CNTNAP2: variants seen among roughly 807,000 people sequenced by gnomAD.
CNTNAP2 encodes the protein contactin associated protein 2, also known as contactin-associated protein-like 2.
A neutral mutation model predicts 155.2 loss-of-function variants in CNTNAP2; 98 were observed. That is an observed-to-expected ratio of 0.63 (90% CI 0.54 to 0.75). CNTNAP2 has a LOEUF of 0.75. CNTNAP2 is among the 30% of genes least tolerant of loss of function. The probability of loss-of-function intolerance (pLI) is 0.00; values close to 1 mark genes in which losing one functional copy is unlikely to be tolerated. For missense variants in CNTNAP2, 1,727 were observed against 1,688.1 expected (o/e 1.02, Z -0.40); for synonymous variants, 651 against 631.2 (o/e 1.03, Z -0.47).
intron 3 of CNTNAP2, among the ~76,000 whole-genome samples, chr7:147,033,470 G>A (rs34962711): frequency 0.37 from 55,281 of 151,324 alleles, 10,269 homozygotes; most frequent in South Asian, 0.43. Context: ...TTACCCTGGT[G>A]TCTTTTTGAG....
chr7:147,799,687 C>T (rs528049083), intron 13 of CNTNAP2, among the ~76,000 whole-genome samples: 3 of 152,282 alleles, frequency 2.0e-5, no homozygotes, highest in South Asian at 2.1e-4. Flanking sequence ...CAGGCAAAGA[C>T]AAGATCCTGA....
At chr7:147,209,373 T>A (rs1387905877) in intron 8 of CNTNAP2, among the ~76,000 whole-genome samples, 1 of 151,982 alleles carries the variant, frequency 6.6e-6, no homozygotes, top group Non-Finnish European at 1.5e-5. Context: ...TGAGGCCATT[T>A]CCTTGATTTG....
At chr7:148,238,870 T>C (rs1796093619) in intron 20 of CNTNAP2, among the ~76,000 whole-genome samples, 1 of 152,232 alleles carries the variant, frequency 6.6e-6, no homozygotes, top group Non-Finnish European at 1.5e-5. Flanking sequence ...CCTTGAACTT[T>C]CTGCCAATAA....
chr7:147,772,289 C>A (rs1006846174), intron 13 of CNTNAP2, among the ~76,000 whole-genome samples: 1 of 150,510 alleles, frequency 6.6e-6, no homozygotes, highest in African/African-American at 2.4e-5. Flanking sequence ...CCTGGCATGG[C>A]GCCTGTAATC....
At chr7:148,073,809 A>G (rs1054259725) in intron 15 of CNTNAP2, among the ~76,000 whole-genome samples, 1 of 152,124 alleles carries the variant, frequency 6.6e-6, no homozygotes, top group South Asian at 2.1e-4. Context: ...CTCCATATCA[A>G]TGGGTTCTGA....
At chr7:147,404,180 C>CAGA (rs1487263397) in intron 10 of CNTNAP2, among the ~76,000 whole-genome samples, 5 of 152,168 alleles carry the variant, frequency 3.3e-5, no homozygotes, top group Non-Finnish European at 7.4e-5. Flanking sequence ...GATAAATTCA[C>CAGA]GTTATTCAAA....
intron 13 of CNTNAP2, among the ~76,000 whole-genome samples, chr7:147,818,627 CTA>C (rs1224268694): frequency 6.6e-6 from 1 of 152,168 alleles, no homozygotes; most frequent in African/African-American, 2.4e-5. Context: ...GACGTTTCCC[CTA>C]TCTCTATTTT....
intron 21 of CNTNAP2, among the ~76,000 whole-genome samples, chr7:148,372,396 C>A (rs1292752308): frequency 2.0e-5 from 3 of 151,972 alleles, no homozygotes; most frequent in African/African-American, 4.8e-5. Context: ...TTACCTTTTA[C>A]AATTTTCTTT....
intron 1 of CNTNAP2, among the ~76,000 whole-genome samples, chr7:146,138,882 G>A (rs1797835711): frequency 6.7e-6 from 1 of 148,180 alleles, no homozygotes; most frequent in South Asian, 2.1e-4. Flanking sequence ...TGAGTACTTT[G>A]GAACATAACC....
intron 1 of CNTNAP2, among the ~76,000 whole-genome samples, chr7:146,150,075 T>C (rs1798014649): frequency 6.6e-6 from 1 of 152,120 alleles, no homozygotes; most frequent in South Asian, 2.1e-4. Context: ...TACGAATCAA[T>C]TGTAAACAGA....
At chr7:147,078,640 G>A (rs1237064131) in intron 4 of CNTNAP2, among the ~76,000 whole-genome samples, 1 of 151,846 alleles carries the variant, frequency 6.6e-6, no homozygotes, top group African/African-American at 2.4e-5. Context: ...GGCCACGATG[G>A]TCTAACACAG....
At chr7:146,130,883 C>A (rs533259265) in intron 1 of CNTNAP2, among the ~76,000 whole-genome samples, 1 of 152,068 alleles carries the variant, frequency 6.6e-6, no homozygotes, top group Non-Finnish European at 1.5e-5. Flanking sequence ...AGGAAACAAC[C>A]AGATCTTGTG....
chr7:148,362,498 A>G (rs1798644104), intron 21 of CNTNAP2, among the ~76,000 whole-genome samples: 1 of 152,192 alleles, frequency 6.6e-6, no homozygotes, highest in Admixed American at 6.5e-5. Context: ...TGTGGTGGCT[A>G]TGCTGGTCTG....
intron 13 of CNTNAP2, among the ~76,000 whole-genome samples, chr7:147,701,878 T>C (rs1165151227): frequency 6.6e-6 from 1 of 152,136 alleles, no homozygotes; most frequent in Non-Finnish European, 1.5e-5. Context: ...ATGCTTTCAT[T>C]ACGGTGCGGA....
rs182891675 is a variant in CNTNAP2 at position 148,161,047 on chromosome 7, C to T, written c.2774-11195C>T. Among the ~76,000 whole-genome samples, 20 of 152,220 alleles carry T rather than the reference C, an allele frequency of 1.3e-4. No homozygotes were observed. In the East Asian group the frequency reaches 2.7e-3, roughly 21 times the overall value. On this transcript the variant is annotated intron_variant, in intron 17 of 23. Coordinates refer to ENST00000361727, the MANE Select transcript of CNTNAP2 (RefSeq NM_014141.6). The stretch of plus-strand genomic sequence containing the variant: ...CACGAAAATGTTCATCAGCTTTATC[C>T]GTTCTGCCATTCAGCCCCTCCAAGG...
chr7:148,115,377 T>C (rs1038593124), intron 15 of CNTNAP2, among the ~76,000 whole-genome samples: 12 of 152,206 alleles, frequency 7.9e-5, no homozygotes, highest in African/African-American at 2.9e-4. Flanking sequence ...AAGAAGGTAC[T>C]TGATTGGATT....
rs571873438 is a variant in CNTNAP2, at chr7:146,816,757, C to G, written c.209-22954C>G. On this transcript the variant is annotated intron_variant, in intron 2 of 23. Transcript: ENST00000361727. ...TAAAGCACGGTGGTTAAAAGTCATG[C>G]CCTGGGTCAACATACTAGCTGCTTT... Among the ~76,000 whole-genome samples the G allele has an allele frequency of 1.5e-4, 23 of 152,198 alleles. 1 individual carries two copies. Among genetic ancestry groups the G allele is most frequent in the Admixed American group, 1.2e-3 (19 of 15,296 alleles).
At chr7:147,595,388 A>G (rs1421225549) in intron 12 of CNTNAP2, among the ~76,000 whole-genome samples, 1 of 152,176 alleles carries the variant, frequency 6.6e-6, no homozygotes, top group African/African-American at 2.4e-5. Context: ...TCCAATCTCC[A>G]AAGAAGTGTC....
At chr7:147,067,669 G>A (rs1194723551) in intron 4 of CNTNAP2, among the ~76,000 whole-genome samples, 1 of 151,988 alleles carries the variant, frequency 6.6e-6, no homozygotes, top group African/African-American at 2.4e-5. Context: ...TTTCACTTTG[G>A]GCAAACTACT....
Sources: gnomAD v4.1 joint callset for allele counts (sites outside exome capture counted in the v4.1 genomes callset) on GRCh38, gnomAD v4.1.1 for gene constraint, MANE v1.5 for transcripts, NCBI Gene and HGNC (gene_info 2026-07-23, HGNC 2026-07-21) for gene names.